TRPC4AP: variants seen among roughly 807,000 people sequenced by gnomAD.
TRPC4AP encodes transient receptor potential cation channel subfamily C member 4 associated protein.
TRPC4AP carries 45 observed loss-of-function variants against 99.0 expected under a neutral mutation model. The observed-to-expected ratio is 0.45, with a 90% CI of 0.36 to 0.58. The LOEUF is 0.58. TRPC4AP is among the 20% of genes least tolerant of loss of function. The pLI is 0.00. For missense variants in TRPC4AP, 879 were observed against 985.3 expected, an observed-to-expected ratio of 0.89 and a Z score of 1.44; for synonymous variants, 408 against 385.8, an observed-to-expected ratio of 1.06 and a Z score of -0.67.
chr20:35,073,712 G>C (rs112765511), intron 2 of TRPC4AP, among the ~76,000 whole-genome samples: 4 of 152,282 alleles, frequency 2.6e-5, no homozygotes, highest in African/African-American at 4.8e-5. Context: ...ATGTTCATCA[G>C]GGATATTGGT....
At chr20:35,060,135 G>C (rs565637399) in intron 3 of TRPC4AP, among the ~76,000 whole-genome samples, 1 of 152,102 alleles carries the variant, frequency 6.6e-6, no homozygotes, top group Non-Finnish European at 1.5e-5. Flanking sequence ...CCAAAAAACA[G>C]AAGAGAAGGA....
At position 35,054,966 on chromosome 20, in the gene TRPC4AP, G is replaced by A; in HGVS notation, c.528+10C>T. 6.2e-7 allele frequency: 1 copy of A among 1,611,204 alleles called. No homozygotes were observed. The highest frequency in any genetic ancestry group is 8.5e-7 in the Non-Finnish European group (1 of 1,178,026). On this transcript the variant is annotated intron_variant, in intron 5 of 18. Coordinates refer to ENST00000252015, the MANE Select transcript of TRPC4AP (RefSeq NM_015638.3). ...GAGATAAACAGAGCCCCAGTGGCAG[G>A]GGTACTTACACAGACACAGGTATTA...
intron 9 of TRPC4AP, 118 bp downstream of exon 9, chr20:35,021,072 C>T: frequency 8.8e-7 from 1 of 1,140,642 alleles, no homozygotes; most frequent in Admixed American, 2.4e-5. Context: ...TACCCCTATG[C>T]TTTGCCAGGC....
At chr20:35,026,234 TGAGAC>T (rs1371715652) in intron 8 of TRPC4AP, among the ~76,000 whole-genome samples, 1 of 151,696 alleles carries the variant, frequency 6.6e-6, no homozygotes, top group Non-Finnish European at 1.5e-5. Flanking sequence ...TTTTTTTTTT[TGAGAC>T]AGAGTCTTGC....
chr20:35,050,570 G>A (rs1333459827), intron 5 of TRPC4AP, among the ~76,000 whole-genome samples: 1 of 151,972 alleles, frequency 6.6e-6, no homozygotes, highest in Non-Finnish European at 1.5e-5. Context: ...AATATTAGCT[G>A]GGTGTGGTGG....
chr20:35,003,953 A>G (rs1024614352), intron 17 of TRPC4AP, among the ~76,000 whole-genome samples: 7 of 152,220 alleles, frequency 4.6e-5, no homozygotes, highest in East Asian at 1.9e-4. Flanking sequence ...ATCCCGCTTC[A>G]GAAGTGCCAT....
chr20:35,037,827 C>T (rs931846179), intron 7 of TRPC4AP, among the ~76,000 whole-genome samples: 5 of 152,098 alleles, frequency 3.3e-5, no homozygotes, highest in African/African-American at 9.7e-5. Flanking sequence ...TATGGTACAA[C>T]TGCCTACTGT....
chr20:35,061,560 T>C (rs1053763384), intron 3 of TRPC4AP, among the ~76,000 whole-genome samples: 1 of 152,172 alleles, frequency 6.6e-6, no homozygotes, highest in Non-Finnish European at 1.5e-5. Flanking sequence ...AATAAACCCG[T>C]GTCTATGATC....
At chr20:35,058,117 A>G (rs550262929) in intron 3 of TRPC4AP, among the ~76,000 whole-genome samples, 99 of 152,376 alleles carry the variant, frequency 6.5e-4, no homozygotes, top group African/African-American at 2.3e-3. Flanking sequence ...TTAGAAAGAT[A>G]TAACAACTAC....
At chr20:35,067,071 C>T (rs1251898787) in intron 3 of TRPC4AP, among the ~76,000 whole-genome samples, 3 of 152,212 alleles carry the variant, frequency 2.0e-5, no homozygotes, top group African/African-American at 7.2e-5. Context: ...GAGAGACAGA[C>T]ATTTCTCCAA....
intron 9 of TRPC4AP, among the ~76,000 whole-genome samples, chr20:35,018,996 C>T (rs1407774543): frequency 6.6e-6 from 1 of 152,236 alleles, no homozygotes; most frequent in Non-Finnish European, 1.5e-5. Flanking sequence ...GGATGGTTTT[C>T]ATTAGCACCA....
chr20:35,013,083 G>A lies in TRPC4AP; in HGVS notation c.1351-17C>T, dbSNP rs372318612. 4.3e-6 allele frequency: 7 copies of A among 1,613,714 alleles called. No homozygotes were observed. Among genetic ancestry groups the A allele is most frequent in the Admixed American group, 1.7e-5 (1 of 59,996 alleles). ...GGTGATGTCCTGAAACACATGCACA[G>A]CCTCAATGTTAGGACCACAGCCACA... On this transcript the variant is annotated splice_polypyrimidine_tract_variant and intron_variant, in intron 10 of 18. Transcript: ENST00000252015.
intron 1 of TRPC4AP, among the ~76,000 whole-genome samples, chr20:35,086,477 ATGTGTGTGTATATATATATGTG>A (rs2084861732): frequency 1.6e-5 from 1 of 64,286 alleles, no homozygotes; most frequent in African/African-American, 6.6e-5. Context: ...GTGTGTGTGT[ATGTGTGTGTATATATATATGTG>A]TATATATATG....
At chr20:35,008,574 C>A in intron 13 of TRPC4AP, 90 bp downstream of exon 13, 4 of 1,117,266 alleles carry the variant, frequency 3.6e-6, no homozygotes, top group Non-Finnish European at 3.9e-6. Context: ...GGCATGGACG[C>A]TGGTGACTAA....
At chr20:35,038,222 G>A (rs903304870) in intron 7 of TRPC4AP, among the ~76,000 whole-genome samples, 2 of 150,762 alleles carry the variant, frequency 1.3e-5, no homozygotes, top group Non-Finnish European at 2.9e-5. Flanking sequence ...TTTATGTTAC[G>A]TGACTTCCAT....
intron 6 of TRPC4AP, among the ~76,000 whole-genome samples, chr20:35,047,804 T>G (rs2083595026): frequency 6.6e-6 from 1 of 152,172 alleles, no homozygotes; most frequent in Non-Finnish European, 1.5e-5. Context: ...ATCCTAAGAA[T>G]CACTGTTCTA....
chr20:35,022,741 C>T (rs768757921), intron 8 of TRPC4AP, among the ~76,000 whole-genome samples: 2 of 152,116 alleles, frequency 1.3e-5, no homozygotes, highest in African/African-American at 2.4e-5. Context: ...CTTATTCCGA[C>T]TAGGTGTGGT....
chr20:35,046,378 A>G (rs900715739), intron 6 of TRPC4AP, among the ~76,000 whole-genome samples: 3 of 152,216 alleles, frequency 2.0e-5, no homozygotes, highest in African/African-American at 7.2e-5. Context: ...TGCTACTCAG[A>G]TAACACCTGC....
chr20:35,067,855 G>A (rs908951899), intron 3 of TRPC4AP, among the ~76,000 whole-genome samples: 1 of 152,096 alleles, frequency 6.6e-6, no homozygotes, highest in Non-Finnish European at 1.5e-5. Flanking sequence ...GGGAGGAGGT[G>A]GTAGAGGTAG....
Sources: allele counts gnomAD v4.1 joint callset (sites outside exome capture counted in the v4.1 genomes callset), GRCh38; gene constraint gnomAD v4.1.1; transcripts MANE v1.5; gene names NCBI Gene and HGNC (gene_info 2026-07-23, HGNC 2026-07-21).